The following LRRC4C variants were observed in gnomAD, a reference collection of about 807,000 sequenced individuals.
LRRC4C encodes leucine-rich repeat-containing protein 4C.
In LRRC4C, 5 loss-of-function variants were observed where a neutral mutation model predicts 33.6. The ratio of observed to expected loss-of-function variants is 0.15; its 90% CI spans 0.08 to 0.31. The LOEUF (loss-of-function observed/expected upper bound fraction) is 0.31. Among genes scored for constraint, LRRC4C ranks in the 10% least tolerant of loss-of-function variants. The pLI is 1.00. For synonymous variants in LRRC4C, 329 were observed against 302.0 expected (o/e 1.09, Z -0.93); for missense variants, 560 against 796.7 (o/e 0.70, Z 3.58).
chr11:40,320,240 TCA>T (rs1295604225), intron 3 of LRRC4C, among the ~76,000 whole-genome samples: 1 of 152,204 alleles, frequency 6.6e-6, no homozygotes, highest in Non-Finnish European at 1.5e-5. Flanking sequence ...GCGCGGTGGC[TCA>T]CGCCTGTAAT....
chr11:41,380,858 TACA>T (rs1243556440), intron 1 of LRRC4C, among the ~76,000 whole-genome samples: 1 of 152,176 alleles, frequency 6.6e-6, no homozygotes, highest in African/African-American at 2.4e-5. Flanking sequence ...GCAAAAGGAC[TACA>T]TCTGCAATGT....
Position 40,919,461 on chromosome 11 carries a change from C to T in LRRC4C, c.-407+14174G>A, listed in dbSNP as rs182904219. 1.4e-3 allele frequency among the ~76,000 whole-genome samples: 210 copies of T among 152,236 alleles called. 2 individuals carry two copies. Among genetic ancestry groups the T allele is most frequent in the Non-Finnish European group, 2.6e-3 (174 of 67,992 alleles). ...TCTTATACTTCAGGTTCACTTTAAA[C>T]GTCAGCCCCTCTGAAAATTATCCCT... On this transcript the variant is annotated intron_variant, in intron 2 of 6. Transcript: ENST00000528697.
At chr11:40,662,594 G>T (rs1285831412) in intron 2 of LRRC4C, among the ~76,000 whole-genome samples, 1 of 152,216 alleles carries the variant, frequency 6.6e-6, no homozygotes, top group Non-Finnish European at 1.5e-5. Context: ...ACTGGCCAGG[G>T]AAATTCAGTT....
chr11:41,271,405 T>A (rs908680287), intron 1 of LRRC4C, among the ~76,000 whole-genome samples: 4 of 152,052 alleles, frequency 2.6e-5, no homozygotes, highest in Non-Finnish European at 5.9e-5. Flanking sequence ...TCCTTCTCAT[T>A]CACATTCTCT....
rs746671999 is a variant in LRRC4C, at chr11:40,935,814, CT to C, written c.-495-2092del. ...AAGTCACAGAATAAATGAGTTCATTCTCTTGATTTAAGAAAATCTAGGTTCT... is the reference window on the plus strand; with the variant it reads ...AAGTCACAGAATAAATGAGTTCATTCCTTGATTTAAGAAAATCTAGGTTCT... On this transcript the variant is annotated intron_variant, in intron 1 of 6. Transcript: ENST00000528697. 1.3e-4 allele frequency among the ~76,000 whole-genome samples: 20 copies of C among 151,456 alleles called. 1 individual carries two copies. The highest frequency in any genetic ancestry group is 1.1e-3 in the Admixed American group (16 of 15,122).
chr11:40,902,331 A>C (rs1001679314), intron 2 of LRRC4C, among the ~76,000 whole-genome samples: 2 of 152,004 alleles, frequency 1.3e-5, no homozygotes, highest in African/African-American at 4.8e-5. Flanking sequence ...TTAATTGATA[A>C]ATGTTGTATG....
chr11:40,922,882 G>C lies in LRRC4C; in HGVS notation c.-407+10753C>G, dbSNP rs528273753. Among the ~76,000 whole-genome samples the C allele has an allele frequency of 3.9e-5, 6 of 152,236 alleles. No homozygotes were observed. The South Asian group carries it at 1.2e-3, about 32-fold the overall frequency. On this transcript the variant is annotated intron_variant, in intron 2 of 6. Transcript: ENST00000528697. ...ATTCTGTTGTATAGGCTGGTGCACAGTGGCGCAAACTCTGCTCACTGCAAC... is the reference window on the plus strand; with the variant it reads ...ATTCTGTTGTATAGGCTGGTGCACACTGGCGCAAACTCTGCTCACTGCAAC...
At chr11:40,781,406 G>C (rs1950205565) in intron 2 of LRRC4C, among the ~76,000 whole-genome samples, 1 of 151,956 alleles carries the variant, frequency 6.6e-6, no homozygotes, top group Admixed American at 6.6e-5. Context: ...CTTATTATGA[G>C]TTCACAAAAA....
intron 4 of LRRC4C, among the ~76,000 whole-genome samples, chr11:40,291,107 G>GC (rs1268549549): frequency 2.0e-5 from 3 of 152,012 alleles, no homozygotes; most frequent in Non-Finnish European, 4.4e-5. Flanking sequence ...GAGTCTTCTG[G>GC]CTCGAAAGTT....
intron 3 of LRRC4C, among the ~76,000 whole-genome samples, chr11:40,324,340 T>G (rs1945993028): frequency 6.6e-6 from 1 of 152,214 alleles, no homozygotes; most frequent in Non-Finnish European, 1.5e-5. Flanking sequence ...CAGTTTTTTT[T>G]GTCAGATGTC....
chr11:40,377,058 T>C (rs1477187687), intron 3 of LRRC4C, among the ~76,000 whole-genome samples: 1 of 152,122 alleles, frequency 6.6e-6, no homozygotes, highest in Non-Finnish European at 1.5e-5. Flanking sequence ...ACCATGTGTT[T>C]AATACTTCAT....
intron 2 of LRRC4C, among the ~76,000 whole-genome samples, chr11:40,768,045 A>G (rs1418525162): frequency 6.6e-6 from 1 of 152,020 alleles, no homozygotes; most frequent in Non-Finnish European, 1.5e-5. Flanking sequence ...AAGTTTTTTA[A>G]TGGAAAGATA....
intron 2 of LRRC4C, among the ~76,000 whole-genome samples, chr11:40,807,869 G>A (rs761504144): frequency 9.2e-5 from 14 of 152,136 alleles, no homozygotes; most frequent in African/African-American, 3.4e-4. Flanking sequence ...GGACTGATAA[G>A]CACCTTTGCT....
intron 2 of LRRC4C, among the ~76,000 whole-genome samples, chr11:40,866,454 A>G (rs142901651): frequency 1.7e-3 from 254 of 152,282 alleles, no homozygotes; most frequent in African/African-American, 5.9e-3. Flanking sequence ...AGATGGCATG[A>G]TCCCACTTGT....
Position 41,214,970 on chromosome 11 carries a change from C to G in LRRC4C, c.-496+244461G>C, listed in dbSNP as rs186768365. On this transcript the variant is annotated intron_variant, in intron 1 of 6. Coordinates refer to ENST00000528697, the MANE Select transcript of LRRC4C (RefSeq NM_001258419.2). ...ATGAATTGTTTAGTCATAATTTTCC[C>G]CTTCATTTCCTATGTTCATTCTCAA... 1.1e-3 allele frequency among the ~76,000 whole-genome samples: 167 copies of G among 145,236 alleles called. 1 individual carries two copies. The highest frequency in any genetic ancestry group is 4.1e-3 in the African/African-American group (162 of 39,546).
intron 1 of LRRC4C, among the ~76,000 whole-genome samples, chr11:41,099,594 C>T (rs1234582972): frequency 2.0e-5 from 3 of 152,050 alleles, no homozygotes; most frequent in Admixed American, 1.3e-4. Flanking sequence ...ACAAAAACCA[C>T]GTGATTATGT....
intron 1 of LRRC4C, among the ~76,000 whole-genome samples, chr11:41,037,113 G>T (rs551486935): frequency 3.1e-3 from 463 of 151,104 alleles, no homozygotes; most frequent in Middle Eastern, 6.8e-3. Flanking sequence ...ACGCAGGCTG[G>T]GCCATCAAAG....
chr11:40,638,306 T>A (rs967248885), intron 3 of LRRC4C, among the ~76,000 whole-genome samples: 1 of 152,214 alleles, frequency 6.6e-6, no homozygotes, highest in African/African-American at 2.4e-5. Context: ...AGTGTTTGAC[T>A]CATGGGGAGT....
intron 1 of LRRC4C, among the ~76,000 whole-genome samples, chr11:41,350,722 C>T (rs1440907426): frequency 6.6e-6 from 1 of 152,006 alleles, no homozygotes; most frequent in Non-Finnish European, 1.5e-5. Context: ...GAAATCAATC[C>T]AAGGAATCTA....
Sources: allele counts gnomAD v4.1 joint callset (sites outside exome capture counted in the v4.1 genomes callset), GRCh38; gene constraint gnomAD v4.1.1; transcripts MANE v1.5; gene names NCBI Gene and HGNC (gene_info 2026-07-23, HGNC 2026-07-21).